The following ANKRD44 variants were observed in gnomAD, a reference collection of about 807,000 sequenced individuals.
ANKRD44 encodes ankyrin repeat domain 44, also known as serine/threonine-protein phosphatase 6 regulatory ankyrin repeat subunit B.
Under a neutral mutation model 116.0 loss-of-function variants are expected in ANKRD44, and 35 were observed. The ratio of observed to expected loss-of-function variants is 0.30; its 90% CI spans 0.23 to 0.40. ANKRD44 has a LOEUF of 0.40. ANKRD44 is among the 10% of genes least tolerant of loss of function. The pLI, the probability that ANKRD44 is intolerant of heterozygous loss-of-function variation, is 1.00. For synonymous variants in ANKRD44, 435 were observed against 461.8 expected (o/e 0.94, Z 0.74); for missense variants, 1,014 against 1,242.6 (o/e 0.82, Z 2.77).
At chr2:197,191,463 C>T (rs1389705001) in intron 1 of ANKRD44, among the ~76,000 whole-genome samples, 1 of 152,190 alleles carries the variant, frequency 6.6e-6, no homozygotes, top group Non-Finnish European at 1.5e-5. Flanking sequence ...CAGCCGAAAG[C>T]CACTTTCTCT....
intron 1 of ANKRD44, among the ~76,000 whole-genome samples, chr2:197,275,835 TAA>T (rs1417247935): frequency 1.3e-5 from 2 of 152,140 alleles, no homozygotes; most frequent in Non-Finnish European, 2.9e-5. Flanking sequence ...ATGATTTTCA[TAA>T]AAGAGGGGGA....
chr2:197,025,797 T>G (rs184231889), intron 16 of ANKRD44, among the ~76,000 whole-genome samples: 1 of 152,062 alleles, frequency 6.6e-6, no homozygotes, highest in African/African-American at 2.4e-5. Context: ...GAATCCTAAA[T>G]AAGAAGAATT....
intron 16 of ANKRD44, among the ~76,000 whole-genome samples, chr2:197,036,457 C>T (rs1356904922): frequency 6.6e-6 from 1 of 152,118 alleles, no homozygotes; most frequent in African/African-American, 2.4e-5. Flanking sequence ...TGGGATTTTA[C>T]CATGTTGGCC....
At chr2:197,034,234 G>A (rs2076766186) in intron 16 of ANKRD44, among the ~76,000 whole-genome samples, 2 of 152,052 alleles carry the variant, frequency 1.3e-5, no homozygotes, top group Non-Finnish European at 2.9e-5. Context: ...TTATAGCTAA[G>A]AATACATGGC....
At chr2:197,024,401 C>T (rs10427280) in intron 17 of ANKRD44, among the ~76,000 whole-genome samples, 87,787 of 151,768 alleles carry the variant, frequency 0.58, 28,319 homozygotes, top group East Asian at 0.81. Flanking sequence ...CACGTGAGTG[C>T]CTCGGGAAGG....
intron 13 of ANKRD44, 111 bp downstream of exon 13, chr2:197,086,569 T>A: frequency 1.0e-6 from 1 of 953,134 alleles, no homozygotes; most frequent in Non-Finnish European, 1.6e-6. Context: ...GAGGATGGAA[T>A]CCCCCCAGCT....
rs576372785 is a variant in ANKRD44 at position 197,278,150 on chromosome 2, G to A, written c.27+32428C>T. Among the ~76,000 whole-genome samples, 11 of 152,206 alleles carry A rather than the reference G, an allele frequency of 7.2e-5. No individual in the cohort carries two copies. The South Asian group carries it at 1.0e-3, about 14-fold the overall frequency. ...GGACAGTATCAGTGGGGACGGGAGG[G>A]ATGGAAATATGCTAGGAAGAAAGGC... On this transcript the variant is annotated intron_variant, in intron 1 of 27. Transcript: ENST00000282272.
chr2:197,234,096 T>C (rs1330927005), intron 1 of ANKRD44, among the ~76,000 whole-genome samples: 1 of 152,188 alleles, frequency 6.6e-6, no homozygotes, highest in Non-Finnish European at 1.5e-5. Context: ...AAAGCCTCCA[T>C]AGCCCCACCC....
chr2:197,010,495 T>G (rs1169226536), intron 18 of ANKRD44, among the ~76,000 whole-genome samples: 2 of 152,158 alleles, frequency 1.3e-5, no homozygotes, highest in South Asian at 4.1e-4. Context: ...CTGGACCGGC[T>G]GGGGCGGGAG....
At chr2:197,218,599 G>A (rs922081314) in intron 1 of ANKRD44, among the ~76,000 whole-genome samples, 4 of 151,934 alleles carry the variant, frequency 2.6e-5, no homozygotes, top group Non-Finnish European at 4.4e-5. Flanking sequence ...TGTACCTCCC[G>A]CATATTTCTG....
chr2:197,193,854 C>A (rs2080884142), intron 1 of ANKRD44, among the ~76,000 whole-genome samples: 1 of 152,082 alleles, frequency 6.6e-6, no homozygotes, highest in African/African-American at 2.4e-5. Context: ...TGCACTCCAG[C>A]CTGGGCAACA....
chr2:197,222,718 T>G (rs1225299959), intron 1 of ANKRD44, among the ~76,000 whole-genome samples: 2 of 152,186 alleles, frequency 1.3e-5, no homozygotes, highest in African/African-American at 4.8e-5. Context: ...CAGATTTCCT[T>G]CTCTTAATCC....
rs780533334 is a variant in ANKRD44, at chr2:197,122,654, A to G, written c.689T>C (p.Val230Ala). 1 of 1,613,424 alleles carries G rather than the reference A, an allele frequency of 6.2e-7. No homozygotes were observed. Among genetic ancestry groups the G allele is most frequent in the South Asian group, 1.1e-5 (1 of 90,986 alleles). Residue 230 changes from valine (V) to alanine (A), a missense_variant, in exon 7 of 28, where the codon GTG becomes GCG. Transcript: ENST00000282272. Reference protein sequence around the residue: ...NVVKHLLNLGVEIDEINVYGN... With the variant: ...NVVKHLLNLGAEIDEINVYGN... Reference sequence around the variant, plus strand: ...GATGCATTCATCATAGCTCACCTCCACCCCCAGGTTCAGGAGATGCTTGAC... The same window carrying G: ...GATGCATTCATCATAGCTCACCTCCGCCCCCAGGTTCAGGAGATGCTTGAC...
chr2:197,091,587 G>A (rs779010870), intron 10 of ANKRD44, among the ~76,000 whole-genome samples: 23 of 152,122 alleles, frequency 1.5e-4, no homozygotes, highest in Non-Finnish European at 2.4e-4. Context: ...TCAAACTCCT[G>A]GGCTCAAGCA....
At position 197,150,192 on chromosome 2, in the gene ANKRD44, G is replaced by A. The variant is rs142870006; in HGVS notation, c.112-3087C>T. On this transcript the variant is annotated intron_variant, in intron 2 of 27. Transcript: ENST00000282272. ...GACAGTTTGTATGACTTAACCCAAC[G>A]CAGCAAACTGATGCCAAAGAATTAG... Among the ~76,000 whole-genome samples the A allele has an allele frequency of 8.5e-4, 129 of 152,134 alleles. 1 individual carries two copies. The highest frequency in any genetic ancestry group is 2.8e-3 in the African/African-American group (117 of 41,468).
At chr2:197,143,602 G>T (rs887415337) in intron 3 of ANKRD44, among the ~76,000 whole-genome samples, 2 of 151,708 alleles carry the variant, frequency 1.3e-5, no homozygotes, top group African/African-American at 4.8e-5. Flanking sequence ...GTCTATCATT[G>T]TTGGACATTT....
At chr2:197,193,135 A>T (rs779254919) in intron 1 of ANKRD44, among the ~76,000 whole-genome samples, 5 of 152,216 alleles carry the variant, frequency 3.3e-5, no homozygotes, top group Non-Finnish European at 5.9e-5. Context: ...TCTTTTCCCA[A>T]TGAAAATAAC....
intron 16 of ANKRD44, among the ~76,000 whole-genome samples, chr2:197,050,169 A>G (rs1270736934): frequency 2.0e-5 from 3 of 152,006 alleles, no homozygotes; most frequent in Non-Finnish European, 4.4e-5. Flanking sequence ...TAGGCTACAC[A>G]CCTTTAAATG....
chr2:197,118,081 C>T (rs1224129952), intron 8 of ANKRD44, among the ~76,000 whole-genome samples: 5 of 151,476 alleles, frequency 3.3e-5, no homozygotes, highest in East Asian at 3.9e-4. Flanking sequence ...GGCGTGGTGG[C>T]GTACACCTGT....
Sources: allele counts gnomAD v4.1 joint callset (sites outside exome capture counted in the v4.1 genomes callset), GRCh38; gene constraint gnomAD v4.1.1; transcripts MANE v1.5; gene names NCBI Gene and HGNC (gene_info 2026-07-23, HGNC 2026-07-21).